ZCWPW2: variants seen among roughly 807,000 people sequenced by gnomAD.
ZCWPW2 encodes the protein zinc finger CW-type and PWWP domain containing 2.
ZCWPW2 carries 45 observed loss-of-function variants against 46.6 expected under a neutral mutation model. The ratio of observed to expected loss-of-function variants is 0.96; its 90% CI spans 0.76 to 1.24. ZCWPW2 has a LOEUF of 1.24. ZCWPW2 is among the 50% of genes most tolerant of loss of function. The probability of loss-of-function intolerance (pLI) is 0.00; values close to 1 mark genes in which losing one functional copy is unlikely to be tolerated. For missense variants in ZCWPW2, 429 were observed against 403.9 expected, an observed-to-expected ratio of 1.06 and a Z score of -0.53; for synonymous variants, 152 against 137.1, an observed-to-expected ratio of 1.11 and a Z score of -0.76.
intron 2 of ZCWPW2, among the ~76,000 whole-genome samples, chr3:28,402,135 A>G (rs1695969586): frequency 6.6e-6 from 1 of 152,114 alleles, no homozygotes; most frequent in Non-Finnish European, 1.5e-5. Flanking sequence ...TGAATCAAAA[A>G]GCTAGTTCTT....
chr3:28,435,341 C>G, intron 4 of ZCWPW2, 72 bp downstream of exon 4: 2 of 1,446,664 alleles, frequency 1.4e-6, no homozygotes, highest in Non-Finnish European at 1.9e-6. Context: ...TATCTTTGAT[C>G]ATAAAATATG....
intron 2 of ZCWPW2, among the ~76,000 whole-genome samples, chr3:28,405,083 TA>T (rs892041913): frequency 8.5e-5 from 13 of 152,114 alleles, no homozygotes; most frequent in African/African-American, 2.4e-4. Context: ...ACATCTCACA[TA>T]AAAAAAGAAA....
intron 4 of ZCWPW2, among the ~76,000 whole-genome samples, chr3:28,471,914 G>A (rs981182888): frequency 6.6e-6 from 1 of 151,896 alleles, no homozygotes; most frequent in Non-Finnish European, 1.5e-5. Context: ...AACATCAGTG[G>A]GATATTTATA....
chr3:28,522,985 G>T (rs998407221), intron 9 of ZCWPW2, among the ~76,000 whole-genome samples: 1 of 152,126 alleles, frequency 6.6e-6, no homozygotes, highest in Non-Finnish European at 1.5e-5. Context: ...GCGATGTCCT[G>T]GAGCTTTTAT....
chr3:28,473,320 C>A (rs1699109516), intron 4 of ZCWPW2, among the ~76,000 whole-genome samples: 1 of 151,952 alleles, frequency 6.6e-6, no homozygotes, highest in African/African-American at 2.4e-5. Context: ...ACTAAAAATA[C>A]AAAAGTTGAC....
At chr3:28,446,793 G>C (rs906828956) in intron 4 of ZCWPW2, among the ~76,000 whole-genome samples, 3 of 152,096 alleles carry the variant, frequency 2.0e-5, no homozygotes, top group Non-Finnish European at 4.4e-5. Flanking sequence ...GAATTAAAGA[G>C]AAAAGACTCA....
At chr3:28,411,641 ACC>A (rs1696403172) in intron 2 of ZCWPW2, among the ~76,000 whole-genome samples, 1 of 152,092 alleles carries the variant, frequency 6.6e-6, no homozygotes, top group Admixed American at 6.6e-5. Context: ...GTAACACATA[ACC>A]TGGCTCCAAA....
intron 2 of ZCWPW2, among the ~76,000 whole-genome samples, chr3:28,408,295 T>C (rs1012698868): frequency 6.6e-6 from 1 of 152,180 alleles, no homozygotes; most frequent in African/African-American, 2.4e-5. Flanking sequence ...AAGCTTTCCA[T>C]TGATGTGATG....
chr3:28,427,892 C>G (rs538135620), intron 3 of ZCWPW2: 14 of 152,100 alleles, frequency 9.2e-5, no homozygotes, highest in African/African-American at 2.9e-4. Flanking sequence ...AAATATAAAC[C>G]CCTTACATTT....
chr3:28,403,639 A>G (rs1402888694), intron 2 of ZCWPW2, among the ~76,000 whole-genome samples: 1 of 152,208 alleles, frequency 6.6e-6, no homozygotes, highest in African/African-American at 2.4e-5. Flanking sequence ...AACTGATTTC[A>G]AACTATACTA....
At chr3:28,463,545 T>C (rs1698719796) in intron 4 of ZCWPW2, among the ~76,000 whole-genome samples, 1 of 152,198 alleles carries the variant, frequency 6.6e-6, no homozygotes, top group South Asian at 2.1e-4. Context: ...TGAAAGTCTT[T>C]AGAACCTCAA....
chr3:28,437,395 T>C (rs1428970483), intron 4 of ZCWPW2, among the ~76,000 whole-genome samples: 1 of 152,232 alleles, frequency 6.6e-6, no homozygotes, highest in Non-Finnish European at 1.5e-5. Context: ...TCAGTGCATA[T>C]GTGAAGGTGG....
At chr3:28,361,451 G>A (rs1704941243) in intron 1 of ZCWPW2, among the ~76,000 whole-genome samples, 1 of 152,040 alleles carries the variant, frequency 6.6e-6, no homozygotes, top group Admixed American at 6.6e-5. Context: ...AAATGTAGGG[G>A]AAGAGCTTCA....
intron 4 of ZCWPW2, among the ~76,000 whole-genome samples, chr3:28,438,267 T>G (rs1185715131): frequency 6.6e-6 from 1 of 152,220 alleles, no homozygotes; most frequent in Non-Finnish European, 1.5e-5. Context: ...CCTTCCCCCT[T>G]CAGCTGAAGT....
At chr3:28,394,858 C>A (rs893777405) in intron 2 of ZCWPW2, among the ~76,000 whole-genome samples, 2 of 152,022 alleles carry the variant, frequency 1.3e-5, no homozygotes, top group Non-Finnish European at 2.9e-5. Flanking sequence ...GCAATAATTT[C>A]TTGGATGTGA....
chr3:28,381,079 T>C lies in ZCWPW2; in HGVS notation c.-133-9419T>C, dbSNP rs528153957. 7.0e-5 allele frequency among the ~76,000 whole-genome samples: 8 copies of C among 115,102 alleles called. No individual in the cohort carries two copies. In the South Asian group the frequency reaches 1.1e-3, roughly 16 times the overall value. The allele number at this position is 115,102 out of a possible 152,430, so 75.5% of individuals were successfully genotyped here. ...ATATATATATATATATATATATATA[T>C]ACAGAAAAGTAAAACAATTATTAAT... On this transcript the variant is annotated intron_variant, in intron 1 of 9. Coordinates refer to ENST00000383768, the MANE Select transcript of ZCWPW2 (RefSeq NM_001040432.4).
At chr3:28,433,120 C>T (rs1575127541) in intron 3 of ZCWPW2, among the ~76,000 whole-genome samples, 1 of 146,212 alleles carries the variant, frequency 6.8e-6, no homozygotes, top group Non-Finnish European at 1.5e-5. Flanking sequence ...CACACACAAA[C>T]ACACATACTC....
chr3:28,414,277 T>A (rs1696544324), intron 3 of ZCWPW2, among the ~76,000 whole-genome samples: 1 of 151,808 alleles, frequency 6.6e-6, no homozygotes, highest in South Asian at 2.1e-4. Flanking sequence ...TAGTTTAGTC[T>A]TTCTTGTCAA....
intron 1 of ZCWPW2, among the ~76,000 whole-genome samples, chr3:28,373,847 G>C (rs1705419486): frequency 6.6e-6 from 1 of 151,840 alleles, no homozygotes; most frequent in East Asian, 1.9e-4. Context: ...GTTTGTTTTT[G>C]TTTGTTTGTT....
Sources: allele counts gnomAD v4.1 joint callset (sites outside exome capture counted in the v4.1 genomes callset), GRCh38; gene constraint gnomAD v4.1.1; transcripts MANE v1.5; gene names NCBI Gene and HGNC (gene_info 2026-07-23, HGNC 2026-07-21).